Variants in CACNA1E observed in about 807,000 individuals in gnomAD.
CACNA1E encodes the protein calcium voltage-gated channel subunit alpha1 E, also known as voltage-dependent R-type calcium channel subunit alpha-1E.
Under a neutral mutation model 259.2 loss-of-function variants are expected in CACNA1E, and 40 were observed. That is an observed-to-expected ratio of 0.15 (90% CI 0.12 to 0.20). The LOEUF (loss-of-function observed/expected upper bound fraction) is 0.20. CACNA1E is among the 10% of genes least tolerant of loss of function. The pLI is 1.00. For missense variants in CACNA1E, 1,874 were observed against 3,040.1 expected (o/e 0.62, Z 9.02); for synonymous variants, 1,104 against 1,138.5 (o/e 0.97, Z 0.61).
rs144073467 is a variant in CACNA1E at position 181,414,403 on chromosome 1, T to C, written c.434+823T>C. The stretch of plus-strand genomic sequence containing the variant: ...GTGGTCGTGGTGGGATTTACCTACT[T>C]GGTTTCAGTGAATGTTCTGGATGAT... On this transcript the variant is annotated intron_variant, in intron 2 of 11. Coordinates refer to the CACNA1E transcript ENST00000524607. 2.6e-5 allele frequency among the ~76,000 whole-genome samples: 4 copies of C among 152,334 alleles called. No homozygotes were observed. The East Asian group carries it at 7.7e-4, about 29-fold the overall frequency.
At chr1:181,759,425 G>C (rs1043907073) in intron 32 of CACNA1E, among the ~76,000 whole-genome samples, 1 of 151,602 alleles carries the variant, frequency 6.6e-6, no homozygotes, top group Non-Finnish European at 1.5e-5. Context: ...GTGTGTGTGT[G>C]TATGGAGTGC....
intron 7 of CACNA1E, among the ~76,000 whole-genome samples, chr1:181,705,344 G>A (rs1323751377): frequency 6.6e-6 from 1 of 152,174 alleles, no homozygotes; most frequent in Non-Finnish European, 1.5e-5. Context: ...AGCTGTGTAT[G>A]AATAGTTGAG....
intron 6 of CACNA1E, among the ~76,000 whole-genome samples, chr1:181,623,351 A>C (rs1655896306): frequency 6.6e-6 from 1 of 152,222 alleles, no homozygotes; most frequent in African/African-American, 2.4e-5. Context: ...CACTTTATAT[A>C]ATTTTTGTTT....
intron 1 of CACNA1E, among the ~76,000 whole-genome samples, chr1:181,381,840 T>C (rs1169445977): frequency 6.6e-6 from 1 of 152,180 alleles, no homozygotes; most frequent in East Asian, 1.9e-4. Flanking sequence ...TTGTAAAAGA[T>C]TGTGAATTCT....
chr1:181,437,518 C>T (rs1353588129), intron 2 of CACNA1E, among the ~76,000 whole-genome samples: 1 of 152,204 alleles, frequency 6.6e-6, no homozygotes, highest in Non-Finnish European at 1.5e-5. Context: ...AACAGGTGGT[C>T]TGCTCACAAA....
At chr1:181,580,482 C>G in intron 5 of CACNA1E, 113 bp from the exon 6 acceptor site, 1 of 980,300 alleles carries the variant, frequency 1.0e-6, no homozygotes, top group Non-Finnish European at 1.6e-6. Context: ...CAAAAAAGGG[C>G]AGGCCTCTTT....
chr1:181,382,168 G>A (rs1655503133), intron 1 of CACNA1E, among the ~76,000 whole-genome samples: 1 of 152,048 alleles, frequency 6.6e-6, no homozygotes, highest in Non-Finnish European at 1.5e-5. Flanking sequence ...TGAAGATGAG[G>A]GGAAAAGTGT....
At chr1:181,477,836 A>G (rs901486500) in intron 2 of CACNA1E, among the ~76,000 whole-genome samples, 4 of 152,222 alleles carry the variant, frequency 2.6e-5, no homozygotes, top group African/African-American at 9.6e-5. Context: ...TACTGATCTA[A>G]GAGCTTTATG....
chr1:181,562,073 A>AT (rs1454248555), intron 3 of CACNA1E, among the ~76,000 whole-genome samples: 1 of 151,808 alleles, frequency 6.6e-6, no homozygotes, highest in Non-Finnish European at 1.5e-5. Flanking sequence ...TCTTTTGGCC[A>AT]TTTTTTAATT....
intron 2 of CACNA1E, among the ~76,000 whole-genome samples, chr1:181,415,847 AT>A (rs1658229429): frequency 6.6e-6 from 1 of 152,166 alleles, no homozygotes; most frequent in Non-Finnish European, 1.5e-5. Context: ...ACATGCCTTA[AT>A]TTGATCTTCT....
At chr1:181,553,303 T>A (rs1266959878) in intron 3 of CACNA1E, among the ~76,000 whole-genome samples, 2 of 152,202 alleles carry the variant, frequency 1.3e-5, no homozygotes, top group Admixed American at 6.5e-5. Flanking sequence ...GCTCTCTGCT[T>A]GTCTATTATT....
At chr1:181,337,159 CTTT>C (rs1046173006) in intron 1 of CACNA1E, among the ~76,000 whole-genome samples, 1 of 142,732 alleles carries the variant, frequency 7.0e-6, no homozygotes. Flanking sequence ...AGAATCTACT[CTTT>C]TTTTTTTTTT....
Position 181,601,321 on chromosome 1 carries a change from T to C in CACNA1E, c.951+20545T>C, listed in dbSNP as rs558183384. Among the ~76,000 whole-genome samples the C allele has an allele frequency of 1.5e-3, 232 of 152,310 alleles. 1 individual carries two copies. Among genetic ancestry groups the C allele is most frequent in the African/African-American group, 5.3e-3 (221 of 41,568 alleles). On this transcript the variant is annotated intron_variant, in intron 6 of 47. Transcript: ENST00000367573. ...GTACTCCTTTTCATTCTACAAACCT[T>C]TATTGAGGGCCTGCCATGTGCTAGA...
At chr1:181,556,585 C>G (rs1572198982) in intron 3 of CACNA1E, among the ~76,000 whole-genome samples, 5 of 152,320 alleles carry the variant, frequency 3.3e-5, no homozygotes, top group Admixed American at 2.0e-4. Flanking sequence ...TGTGCCCCTT[C>G]CGTGCTACCC....
chr1:181,450,895 T>C (rs528037518), intron 2 of CACNA1E, among the ~76,000 whole-genome samples: 5 of 152,302 alleles, frequency 3.3e-5, no homozygotes, highest in African/African-American at 1.2e-4. Flanking sequence ...AGAAAGCAGG[T>C]GAATCTGAAA....
chr1:181,541,760 A>T lies in CACNA1E; in HGVS notation c.512+30250A>T, dbSNP rs531069211. ...ATTAGAGATCTTGTTTCTTCGTATA[A>T]TAGAGAAGTAGCAGTCTCAGTGGCA... On this transcript the variant is annotated intron_variant, in intron 3 of 47. Coordinates refer to ENST00000367573, the MANE Select transcript of CACNA1E (RefSeq NM_001205293.3). Among the ~76,000 whole-genome samples the T allele has an allele frequency of 2.6e-5, 4 of 152,324 alleles. No homozygotes were observed. The East Asian group carries it at 7.7e-4, about 29-fold the overall frequency.
chr1:181,661,029 G>T (rs754941510), intron 7 of CACNA1E, among the ~76,000 whole-genome samples: 1 of 152,150 alleles, frequency 6.6e-6, no homozygotes, highest in East Asian at 1.9e-4. Flanking sequence ...AAGGGGCAAG[G>T]ATCAGGTAAG....
chr1:181,598,353 G>T (rs6677744), intron 6 of CACNA1E, among the ~76,000 whole-genome samples: 5,341 of 152,184 alleles, frequency 0.035, 333 homozygotes, highest in African/African-American at 0.12. Context: ...CATTGCTGTG[G>T]GGTATAAAGG....
intron 1 of CACNA1E, among the ~76,000 whole-genome samples, chr1:181,412,380 A>G (rs996353478): frequency 6.6e-6 from 1 of 152,112 alleles, no homozygotes; most frequent in Non-Finnish European, 1.5e-5. Context: ...AGACTAGTCT[A>G]GGCAACACGG....
Sources: gnomAD v4.1 joint callset for allele counts (sites outside exome capture counted in the v4.1 genomes callset) on GRCh38, gnomAD v4.1.1 for gene constraint, MANE v1.5 for transcripts, NCBI Gene and HGNC (gene_info 2026-07-23, HGNC 2026-07-21) for gene names.